RGS6: variants seen among roughly 807,000 people sequenced by gnomAD.
RGS6 encodes the protein regulator of G protein signaling 6, also known as regulator of G-protein signaling 6.
Under a neutral mutation model 78.5 loss-of-function variants are expected in RGS6, and 30 were observed. The ratio of observed to expected loss-of-function variants is 0.38; its 90% confidence interval spans 0.29 to 0.52. The LOEUF (loss-of-function observed/expected upper bound fraction) is 0.52. Among genes scored for constraint, RGS6 ranks in the 20% least tolerant of loss-of-function variants. RGS6 has a pLI of 0.85. For synonymous variants in RGS6, 206 were observed against 206.0 expected, an observed-to-expected ratio of 1.00 and a Z score of 0.00; for missense variants, 495 against 609.7, an observed-to-expected ratio of 0.81 and a Z score of 1.98.
chr14:72,247,123 T>C (rs2054430746), intron 2 of RGS6, among the ~76,000 whole-genome samples: 1 of 152,248 alleles, frequency 6.6e-6, no homozygotes, highest in African/African-American at 2.4e-5. Flanking sequence ...CTTGCTGTGA[T>C]AATTCCAGCT....
intron 3 of RGS6, among the ~76,000 whole-genome samples, chr14:72,395,992 T>A (rs2091157870): frequency 6.6e-6 from 1 of 152,114 alleles, no homozygotes. Context: ...GCAATAAACA[T>A]ACGTGAGCAT....
chr14:72,612,268 T>G, the RGS6 span, among the ~76,000 whole-genome samples: 2 of 152,210 alleles, frequency 1.3e-5, no homozygotes, highest in African/African-American at 4.8e-5. Flanking sequence ...ATGACCCATC[T>G]GCTTTCCCAA....
chr14:72,030,189 G>T (rs1303385481), intron 2 of RGS6, among the ~76,000 whole-genome samples: 1 of 152,166 alleles, frequency 6.6e-6, no homozygotes, highest in Non-Finnish European at 1.5e-5. Flanking sequence ...GGTTAAAGAT[G>T]TGCCAAACAA....
intron 17 of RGS6, among the ~76,000 whole-genome samples, chr14:72,559,683 T>C (rs1052561466): frequency 2.0e-5 from 3 of 152,202 alleles, no homozygotes; most frequent in Non-Finnish European, 4.4e-5. Flanking sequence ...GCTGGTCAGC[T>C]GCACCATCCT....
chr14:71,982,181 G>C (rs141184109), intron 2 of RGS6, among the ~76,000 whole-genome samples: 4,058 of 152,202 alleles, frequency 0.027, 167 homozygotes, highest in African/African-American at 0.09. Flanking sequence ...CCTGCGCCCA[G>C]TGTCTGGCAC....
At chr14:72,555,949 T>C (rs1461809258) in intron 17 of RGS6, among the ~76,000 whole-genome samples, 1 of 152,204 alleles carries the variant, frequency 6.6e-6, no homozygotes, top group East Asian at 1.9e-4. Flanking sequence ...GCCTGAGTGA[T>C]TTGAAGAACA....
At chr14:72,321,886 C>G (rs1057144573) in intron 2 of RGS6, among the ~76,000 whole-genome samples, 2 of 151,868 alleles carry the variant, frequency 1.3e-5, no homozygotes, top group Non-Finnish European at 2.9e-5. Flanking sequence ...AAAACGTTTC[C>G]CAGAACTGAC....
chr14:72,081,608 T>A (rs1279818576), intron 2 of RGS6, among the ~76,000 whole-genome samples: 1 of 152,100 alleles, frequency 6.6e-6, no homozygotes, highest in Non-Finnish European at 1.5e-5. Context: ...TTTTCCCTTT[T>A]TAACTTACTT....
At chr14:72,600,951 G>C in the RGS6 span, among the ~76,000 whole-genome samples, 1 of 151,996 alleles carries the variant, frequency 6.6e-6, no homozygotes, top group South Asian at 2.1e-4. Flanking sequence ...AGATGAAGTG[G>C]GGGAAGGAAA....
At chr14:72,350,166 AT>A (rs1390162283) in intron 2 of RGS6, among the ~76,000 whole-genome samples, 7 of 152,168 alleles carry the variant, frequency 4.6e-5, no homozygotes, top group Non-Finnish European at 8.8e-5. Flanking sequence ...TTCTAGCATA[AT>A]ACTCATCTAC....
the RGS6 span, among the ~76,000 whole-genome samples, chr14:71,875,305 A>G: frequency 2.1e-4 from 32 of 152,086 alleles, no homozygotes; most frequent in South Asian, 4.2e-4. Context: ...GCTCTTAATT[A>G]TTGCCTCAAT....
At chr14:72,378,191 T>C (rs1014328678) in intron 3 of RGS6, among the ~76,000 whole-genome samples, 1 of 152,088 alleles carries the variant, frequency 6.6e-6, no homozygotes, top group African/African-American at 2.4e-5. Flanking sequence ...TACCAAAACG[T>C]ACGGGACACA....
chr14:72,073,074 C>G (rs1179937079), intron 2 of RGS6, among the ~76,000 whole-genome samples: 1 of 152,160 alleles, frequency 6.6e-6, no homozygotes, highest in East Asian at 1.9e-4. Context: ...TGGTGGGGTT[C>G]AAATCCTCCT....
chr14:72,373,634 A>AG (rs1170924740), intron 3 of RGS6, among the ~76,000 whole-genome samples: 1 of 152,208 alleles, frequency 6.6e-6, no homozygotes, highest in East Asian at 1.9e-4. Flanking sequence ...TTAGATGAGT[A>AG]GGGGGAGAAG....
chr14:72,276,193 TA>T (rs897247681), intron 2 of RGS6, among the ~76,000 whole-genome samples: 40 of 151,598 alleles, frequency 2.6e-4, no homozygotes, highest in Non-Finnish European at 3.7e-4. Context: ...ATGAATGCTT[TA>T]AAAAAAAAAT....
intron 2 of RGS6, among the ~76,000 whole-genome samples, chr14:72,053,081 C>CTCCCTTCT (rs2093418525): frequency 1.2e-4 from 3 of 24,434 alleles, no homozygotes; most frequent in African/African-American, 3.9e-4. Context: ...CCCTCCCTCC[C>CTCCCTTCT]TTCCTTCCTT....
At chr14:72,447,724 C>T (rs755384861) in intron 3 of RGS6, among the ~76,000 whole-genome samples, 33 of 152,126 alleles carry the variant, frequency 2.2e-4, no homozygotes, top group Non-Finnish European at 5.9e-5. Context: ...ATTTTTGAGA[C>T]GGAGTTTCGC....
At chr14:72,538,598 G>A (rs1235602787) in intron 16 of RGS6, among the ~76,000 whole-genome samples, 1 of 152,236 alleles carries the variant, frequency 6.6e-6, no homozygotes, top group Non-Finnish European at 1.5e-5. Flanking sequence ...AATGCCAGCT[G>A]CAGGGCCCAG....
chr14:72,400,608 T>C (rs773221125), intron 3 of RGS6, among the ~76,000 whole-genome samples: 6 of 152,230 alleles, frequency 3.9e-5, no homozygotes, highest in African/African-American at 7.2e-5. Context: ...ATTTTGACAT[T>C]GCGCTGATTC....
Sources: allele counts gnomAD v4.1 joint callset (sites outside exome capture counted in the v4.1 genomes callset), GRCh38; gene constraint gnomAD v4.1.1; transcripts MANE v1.5; gene names NCBI Gene and HGNC (gene_info 2026-07-23, HGNC 2026-07-21).